The following PELI2 variants were observed in gnomAD, a reference collection of about 807,000 sequenced individuals.
The protein encoded by PELI2 is E3 ubiquitin-protein ligase pellino homolog 2.
PELI2 carries 23 observed loss-of-function variants against 42.3 expected under a neutral mutation model. The ratio of observed to expected loss-of-function variants is 0.54; its 90% CI spans 0.39 to 0.77. PELI2 has a LOEUF of 0.77. PELI2 is among the 30% of genes least tolerant of loss of function. The pLI, the probability that PELI2 is intolerant of heterozygous loss-of-function variation, is 0.00. For missense variants in PELI2, 463 were observed against 553.2 expected, an observed-to-expected ratio of 0.84 and a Z score of 1.64; for synonymous variants, 245 against 212.2, an observed-to-expected ratio of 1.15 and a Z score of -1.34.
At chr14:56,195,375 C>T (rs557057733) in intron 2 of PELI2, among the ~76,000 whole-genome samples, 1 of 152,186 alleles carries the variant, frequency 6.6e-6, no homozygotes, top group Non-Finnish European at 1.5e-5. Flanking sequence ...AACACCGGAA[C>T]TGCCAGGAGA....
chr14:56,260,061 A>G (rs1303862681), intron 2 of PELI2, among the ~76,000 whole-genome samples: 5 of 152,152 alleles, frequency 3.3e-5, no homozygotes, highest in African/African-American at 7.2e-5. Flanking sequence ...TCAAAAATTG[A>G]TATACATTCA....
At chr14:56,267,574 T>C in intron 2 of PELI2, among the ~76,000 whole-genome samples, 1 of 152,306 alleles carries the variant, frequency 6.6e-6, no homozygotes, top group Middle Eastern at 3.4e-3. Context: ...TCCAGCAGGC[T>C]CAACCTCTTG....
At chr14:56,292,920 T>C (rs1344788887) in intron 5 of PELI2, 1 of 632,566 alleles carries the variant, frequency 1.6e-6, no homozygotes, top group South Asian at 7.0e-5. Flanking sequence ...AATTAAATTA[T>C]ATATGAAGTA....
chr14:56,144,942 T>C (rs1486839614), intron 1 of PELI2: 58 of 981,094 alleles, frequency 5.9e-5, no homozygotes, highest in Non-Finnish European at 6.8e-5. Flanking sequence ...GTGTTTCCAT[T>C]ACAGGAGAAG....
In PELI2 at chr14:56,118,636, G is replaced by C. The variant is rs1882939774; in HGVS notation, c.-25G>C. Reference sequence around the variant, plus strand: ...CGGCGGAGGCGGCGGCGTCGGCGGCGGCGTCGGCGGCCGAGCGGGGCTCCA... The same window carrying C: ...CGGCGGAGGCGGCGGCGTCGGCGGCCGCGTCGGCGGCCGAGCGGGGCTCCA... On this transcript the variant is annotated 5_prime_UTR_variant, in exon 1 of 6. Transcript: ENST00000267460. 7.4e-7 allele frequency: 1 copy of C among 1,355,966 alleles called. No homozygotes were observed. The allele number at this position is 1,355,966 out of a possible 1,614,324, so 84.0% of individuals were successfully genotyped here. A position where few individuals can be genotyped will look rare whatever the true frequency, so the allele number is the denominator to read the frequency against.
chr14:56,175,117 G>A (rs956214174), intron 1 of PELI2, among the ~76,000 whole-genome samples: 1 of 151,914 alleles, frequency 6.6e-6, no homozygotes, highest in African/African-American at 2.4e-5. Context: ...CACCTCAGCC[G>A]CCCGAGTAGC....
intron 3 of PELI2, among the ~76,000 whole-genome samples, chr14:56,283,685 G>A (rs1426749911): frequency 1.3e-5 from 2 of 152,146 alleles, no homozygotes; most frequent in Non-Finnish European, 2.9e-5. Context: ...AGGCATTAGG[G>A]GCAGAGCTAA....
chr14:56,266,386 T>A (rs1237517521), intron 2 of PELI2, among the ~76,000 whole-genome samples: 1 of 151,978 alleles, frequency 6.6e-6, no homozygotes, highest in Non-Finnish European at 1.5e-5. Flanking sequence ...TTTTAATATA[T>A]AAAGAGTGCC....
chr14:56,214,900 A>C (rs188855092), intron 2 of PELI2, among the ~76,000 whole-genome samples: 1 of 152,214 alleles, frequency 6.6e-6, no homozygotes, highest in Admixed American at 6.5e-5. Flanking sequence ...CAGCATTGCC[A>C]GCGTTGACAG....
At position 56,300,160 on chromosome 14, in the gene PELI2, GTTAA is replaced by G. The variant is rs1249081777; in HGVS notation, c.*2998_*3001del. The stretch of plus-strand genomic sequence containing the variant: ...AGAACATATTTATCATTCCTCGATA[GTTAA>G]TTATAGACTTTGGTACCTTTGTGCC... On this transcript the variant is annotated 3_prime_UTR_variant, in exon 6 of 6. Transcript: ENST00000267460. 6.6e-6 allele frequency: 1 copy of G among 152,552 alleles called. No homozygotes were observed. Among genetic ancestry groups the G allele is most frequent in the Non-Finnish European group, 1.5e-5 (1 of 68,030 alleles). The allele number at this position is 152,552 out of a possible 1,614,324, so 9.4% of individuals were successfully genotyped here. A position where few individuals can be genotyped will look rare whatever the true frequency, so the allele number is the denominator to read the frequency against.
intron 2 of PELI2, among the ~76,000 whole-genome samples, chr14:56,230,064 G>T (rs11622705): frequency 0.4 from 60,842 of 152,004 alleles, 12,973 homozygotes; most frequent in South Asian, 0.53. Context: ...AGAGTAAAAA[G>T]AAACGAACAA....
At chr14:56,120,502 G>A (rs961430894) in intron 1 of PELI2, among the ~76,000 whole-genome samples, 1 of 152,140 alleles carries the variant, frequency 6.6e-6, no homozygotes, top group African/African-American at 2.4e-5. Flanking sequence ...ACAGGAGCCC[G>A]GGATATAACG....
At position 56,195,712 on chromosome 14, in the gene PELI2, CT is replaced by C. The variant is rs538670184; in HGVS notation, c.207+17249del. Among the ~76,000 whole-genome samples the C allele has an allele frequency of 1.6e-3, 242 of 152,314 alleles. 1 individual carries two copies. The highest frequency in any genetic ancestry group is 2.6e-3 in the Non-Finnish European group (179 of 68,036). ...ATCCGGAGAAACTTTCCCACCTTGG[CT>C]GTGTTAGTCCATATTAAACCGTTTG... On this transcript the variant is annotated intron_variant, in intron 2 of 5. Transcript: ENST00000267460.
intron 2 of PELI2, among the ~76,000 whole-genome samples, chr14:56,225,641 A>G (rs903951626): frequency 6.6e-6 from 1 of 152,178 alleles, no homozygotes; most frequent in African/African-American, 2.4e-5. Flanking sequence ...AGCGGTCACA[A>G]CGCCCAGCAG....
rs181060104 is a variant in PELI2 at position 56,281,885 on chromosome 14, G to C, written c.309+2108G>C. On this transcript the variant is annotated intron_variant, in intron 3 of 5. Transcript: ENST00000267460. ...GATACCACTTTTCACTTGTCAGATTGGCAGAAATCCAAAAGGTTTTGTCAA... is the reference window on the plus strand; with the variant it reads ...GATACCACTTTTCACTTGTCAGATTCGCAGAAATCCAAAAGGTTTTGTCAA... 5.1e-3 allele frequency among the ~76,000 whole-genome samples: 775 copies of C among 152,192 alleles called. 5 individuals carry two copies. The highest frequency in any genetic ancestry group is 0.016 in the African/African-American group (648 of 41,536).
chr14:56,267,768 AT>A (rs1019695875), intron 2 of PELI2, among the ~76,000 whole-genome samples: 1 of 152,162 alleles, frequency 6.6e-6, no homozygotes, highest in African/African-American at 2.4e-5. Context: ...TGAGGGAAAA[AT>A]TGGAATCTTC....
At chr14:56,216,636 G>A (rs551104286) in intron 2 of PELI2, among the ~76,000 whole-genome samples, 5 of 152,342 alleles carry the variant, frequency 3.3e-5, no homozygotes, top group African/African-American at 9.6e-5. Flanking sequence ...ACATTGCTAT[G>A]TGGTTATAAA....
At chr14:56,147,638 C>T (rs527440529) in intron 1 of PELI2, among the ~76,000 whole-genome samples, 9 of 152,156 alleles carry the variant, frequency 5.9e-5, no homozygotes, top group African/African-American at 1.9e-4. Flanking sequence ...TTTGTTGATC[C>T]ATGAAATCTG....
At chr14:56,269,735 C>T (rs1889032260) in intron 2 of PELI2, among the ~76,000 whole-genome samples, 4 of 152,068 alleles carry the variant, frequency 2.6e-5, no homozygotes, top group Admixed American at 2.6e-4. Flanking sequence ...GTACTATTAG[C>T]GAAACAGTAC....
Sources: gnomAD v4.1 joint callset for allele counts (sites outside exome capture counted in the v4.1 genomes callset) on GRCh38, gnomAD v4.1.1 for gene constraint, MANE v1.5 for transcripts, NCBI Gene and HGNC (gene_info 2026-07-23, HGNC 2026-07-21) for gene names.